The following ETV6 variants were observed in gnomAD, a reference collection of about 807,000 sequenced individuals.
The protein encoded by ETV6 is ETS variant transcription factor 6.
ETV6 carries 16 observed loss-of-function variants against 51.1 expected under a neutral mutation model. The observed-to-expected ratio is 0.31, with a 90% CI of 0.21 to 0.48. The LOEUF (loss-of-function observed/expected upper bound fraction) is 0.48. Among genes scored for constraint, ETV6 ranks in the 20% least tolerant of loss-of-function variants. The probability of loss-of-function intolerance (pLI) is 0.99; values close to 1 mark genes in which losing one functional copy is unlikely to be tolerated. For missense variants in ETV6, 458 were observed against 594.8 expected (o/e 0.77, Z 2.39); for synonymous variants, 240 against 224.1 (o/e 1.07, Z -0.64).
At chr12:11,784,372 T>C (rs975043514) in intron 2 of ETV6, among the ~76,000 whole-genome samples, 1 of 151,380 alleles carries the variant, frequency 6.6e-6, no homozygotes, top group Non-Finnish European at 1.5e-5. Context: ...GGTGGGAAGA[T>C]TGCTTGAACC....
intron 1 of ETV6, among the ~76,000 whole-genome samples, chr12:11,690,626 T>C (rs1864736836): frequency 6.6e-6 from 1 of 151,942 alleles, no homozygotes; most frequent in South Asian, 2.1e-4. Flanking sequence ...CGGTGGCTCA[T>C]GCGTGTAATC....
intron 2 of ETV6, among the ~76,000 whole-genome samples, chr12:11,773,882 GT>G (rs1174829050): frequency 6.6e-6 from 1 of 152,266 alleles, no homozygotes; most frequent in African/African-American, 2.4e-5. Flanking sequence ...ATCACCCGAT[GT>G]GGTGGACCTG....
chr12:11,732,546 A>G (rs1865620283), intron 1 of ETV6, among the ~76,000 whole-genome samples: 1 of 152,142 alleles, frequency 6.6e-6, no homozygotes, highest in African/African-American at 2.4e-5. Context: ...AAACCTTTTC[A>G]CCGACTTGGG....
chr12:11,871,198 T>A (rs1043345377), intron 5 of ETV6, among the ~76,000 whole-genome samples: 1 of 116,604 alleles, frequency 8.6e-6, no homozygotes, highest in African/African-American at 3.3e-5. Context: ...GTACTGTCCC[T>A]TTTTTTTTTT....
chr12:11,850,330 C>T (rs889528405), intron 3 of ETV6, among the ~76,000 whole-genome samples: 1 of 152,212 alleles, frequency 6.6e-6, no homozygotes, highest in Non-Finnish European at 1.5e-5. Context: ...GTCAGACCCC[C>T]AGAGGCTTAG....
At chr12:11,752,135 C>G (rs953866765) in intron 1 of ETV6, among the ~76,000 whole-genome samples, 1 of 152,158 alleles carries the variant, frequency 6.6e-6, no homozygotes, top group African/African-American at 2.4e-5. Flanking sequence ...TTCTCGCGGA[C>G]GTATTTTTTT....
intron 3 of ETV6, among the ~76,000 whole-genome samples, chr12:11,850,584 T>C (rs1445851303): frequency 6.6e-6 from 1 of 152,202 alleles, no homozygotes; most frequent in African/African-American, 2.4e-5. Context: ...GTAAAATCAA[T>C]GACTAGTGTT....
rs1947040924 is a variant in ETV6 at position 11,878,896 on chromosome 12, T to G, written c.1010-5549T>G. ...TAAACCGTGTTTCTCTAAGCAGGGT[T>G]TCTCAACACTCTCGATATTTGGGCC... On this transcript the variant is annotated intron_variant, in intron 5 of 7. Transcript: ENST00000396373. Among the ~76,000 whole-genome samples, 3 of 151,062 alleles carry G rather than the reference T, an allele frequency of 2.0e-5. No individual in the cohort carries two copies. In the South Asian group the frequency reaches 6.3e-4, roughly 32 times the overall value.
At chr12:11,870,137 G>T (rs147591617) in intron 5 of ETV6, among the ~76,000 whole-genome samples, 168 bp downstream of exon 5, 62 of 152,132 alleles carry the variant, frequency 4.1e-4, no homozygotes, top group African/African-American at 1.4e-3. Context: ...ATCCCTAATG[G>T]CTTGGTTAAT....
intron 1 of ETV6, among the ~76,000 whole-genome samples, chr12:11,684,612 C>T (rs1346440663): frequency 6.6e-6 from 1 of 152,212 alleles, no homozygotes; most frequent in African/African-American, 2.4e-5. Flanking sequence ...ATCCTTCTCA[C>T]CCTTCCCCTT....
intron 2 of ETV6, among the ~76,000 whole-genome samples, chr12:11,838,418 G>C (rs1475916859): frequency 2.6e-5 from 4 of 152,134 alleles, no homozygotes; most frequent in Admixed American, 2.6e-4. Flanking sequence ...CCCCTGCTCT[G>C]TACCCCCCTC....
At chr12:11,712,545 G>T (rs1865192875) in intron 1 of ETV6, among the ~76,000 whole-genome samples, 1 of 152,186 alleles carries the variant, frequency 6.6e-6, no homozygotes, top group Non-Finnish European at 1.5e-5. Context: ...GATCCACATC[G>T]CTGTTGATGT....
intron 1 of ETV6, among the ~76,000 whole-genome samples, chr12:11,725,728 G>T (rs746541989): frequency 1.3e-5 from 2 of 152,072 alleles, no homozygotes; most frequent in South Asian, 4.1e-4. Context: ...GTGAGTTCTC[G>T]CTCTGTTAGT....
chr12:11,849,132 A>T (rs1483009232), intron 3 of ETV6, among the ~76,000 whole-genome samples: 3 of 136,596 alleles, frequency 2.2e-5, no homozygotes, highest in Non-Finnish European at 3.3e-5. Flanking sequence ...TGTTTGTTTG[A>T]AACAAGGTCT....
intron 2 of ETV6, among the ~76,000 whole-genome samples, chr12:11,796,198 T>C (rs1156839898): frequency 6.6e-6 from 1 of 152,116 alleles, no homozygotes; most frequent in Non-Finnish European, 1.5e-5. Context: ...GAGTGAGTCT[T>C]AAGTGAAAAG....
intron 1 of ETV6, among the ~76,000 whole-genome samples, chr12:11,675,788 T>C (rs759104627): frequency 1.3e-5 from 2 of 151,398 alleles, no homozygotes; most frequent in Non-Finnish European, 1.5e-5. Context: ...TACTTCACGC[T>C]GGGCAACAGA....
At chr12:11,830,693 G>A (rs1946230247) in intron 2 of ETV6, among the ~76,000 whole-genome samples, 1 of 152,168 alleles carries the variant, frequency 6.6e-6, no homozygotes, top group African/African-American at 2.4e-5. Flanking sequence ...ATTAAACCTG[G>A]GGACTGTTAT....
At chr12:11,795,095 A>G (rs753422529) in intron 2 of ETV6, among the ~76,000 whole-genome samples, 14 of 152,298 alleles carry the variant, frequency 9.2e-5, no homozygotes, top group Non-Finnish European at 2.1e-4. Flanking sequence ...ATATGTGCAT[A>G]TTTGCTTTTA....
intron 2 of ETV6, among the ~76,000 whole-genome samples, chr12:11,827,070 T>TCACACACA (rs55959869): frequency 0.022 from 3,140 of 145,096 alleles, 37 homozygotes; most frequent in African/African-American, 0.032. Context: ...GAAGTCTGTC[T>TCACACACA]CACACACACA....
Sources: allele counts gnomAD v4.1 joint callset (sites outside exome capture counted in the v4.1 genomes callset), GRCh38; gene constraint gnomAD v4.1.1; transcripts MANE v1.5; gene names NCBI Gene and HGNC (gene_info 2026-07-23, HGNC 2026-07-21).